Variants in RPH3A observed in about 807,000 individuals in gnomAD.
RPH3A encodes rabphilin 3A.
Under a neutral mutation model 102.2 loss-of-function variants are expected in RPH3A, and 48 were observed. The observed-to-expected ratio is 0.47, with a 90% CI of 0.37 to 0.60. The LOEUF (loss-of-function observed/expected upper bound fraction) is 0.60, where lower values mean the gene tolerates loss of function less well. RPH3A is among the 20% of genes least tolerant of loss of function. RPH3A has a pLI of 0.00. For missense variants in RPH3A, 781 were observed against 910.1 expected (o/e 0.86, Z 1.83); for synonymous variants, 310 against 324.3 (o/e 0.96, Z 0.47).
intron 1 of RPH3A, among the ~76,000 whole-genome samples, chr12:112,621,844 C>A (rs1455256717): frequency 6.6e-6 from 1 of 151,588 alleles, no homozygotes; most frequent in African/African-American, 2.4e-5. Flanking sequence ...GTTCTCCCAG[C>A]ATGCAGCTGG....
At chr12:112,843,473 G>A (rs1850765300) in intron 4 of RPH3A, among the ~76,000 whole-genome samples, 1 of 152,184 alleles carries the variant, frequency 6.6e-6, no homozygotes, top group Admixed American at 6.5e-5. Context: ...GCAGATGGAG[G>A]CAATTATCCT....
intron 3 of RPH3A, among the ~76,000 whole-genome samples, chr12:112,831,341 T>C (rs1278210759): frequency 1.3e-5 from 2 of 152,108 alleles, no homozygotes; most frequent in Non-Finnish European, 2.9e-5. Context: ...ATTCCTATGA[T>C]ATCCATGGCT....
At chr12:112,705,645 C>T (rs4766993) in intron 1 of RPH3A, among the ~76,000 whole-genome samples, 56,090 of 151,780 alleles carry the variant, frequency 0.37, 10,755 homozygotes, top group South Asian at 0.57. Context: ...TTTTTTTAAT[C>T]GAAATTTTTA....
chr12:112,876,574 T>C (rs534473586), intron 12 of RPH3A, 68 bp from the exon 13 acceptor site: 5 of 1,127,012 alleles, frequency 4.4e-6, no homozygotes, highest in Admixed American at 2.9e-5. Context: ...CTTTTGAAAA[T>C]GTCCCTAGGT....
chr12:112,826,675 A>T (rs906404040), intron 2 of RPH3A, among the ~76,000 whole-genome samples: 3 of 152,208 alleles, frequency 2.0e-5, no homozygotes, highest in Non-Finnish European at 4.4e-5. Context: ...TTGTGTCAAT[A>T]TAATCAAACA....
chr12:112,834,986 G>C (rs987310210), intron 3 of RPH3A, among the ~76,000 whole-genome samples: 2 of 152,230 alleles, frequency 1.3e-5, no homozygotes, highest in Middle Eastern at 6.8e-3. Context: ...GGATCTTGGA[G>C]AATTTCCTTA....
intron 1 of RPH3A, among the ~76,000 whole-genome samples, chr12:112,596,066 G>A (rs781521119): frequency 3.3e-5 from 5 of 152,140 alleles, no homozygotes; most frequent in Admixed American, 6.5e-5. Context: ...GTGGACGAAG[G>A]GTGGGTTCTC....
At chr12:112,722,241 A>G (rs2136042962) in intron 1 of RPH3A, among the ~76,000 whole-genome samples, 1 of 152,338 alleles carries the variant, frequency 6.6e-6, no homozygotes, top group East Asian at 1.9e-4. Flanking sequence ...GGTTATTGGA[A>G]TTGTTTCCTT....
At chr12:112,875,309 C>T (rs2042776176) in intron 11 of RPH3A, 139 bp downstream of exon 11, 1 of 685,388 alleles carries the variant, frequency 1.5e-6, no homozygotes, top group Non-Finnish European at 2.4e-6. Context: ...CTTCTAAGAC[C>T]CTTACAACCA....
At chr12:112,704,620 A>G (rs910779672) in intron 1 of RPH3A, among the ~76,000 whole-genome samples, 1 of 152,178 alleles carries the variant, frequency 6.6e-6, no homozygotes, top group African/African-American at 2.4e-5. Flanking sequence ...TTCTTCCCAG[A>G]GATCCTACCC....
intron 1 of RPH3A, among the ~76,000 whole-genome samples, chr12:112,691,337 AG>A (rs1294339961): frequency 2.0e-5 from 3 of 152,210 alleles, no homozygotes; most frequent in Non-Finnish European, 2.9e-5. Flanking sequence ...TGTAAAAAAA[AG>A]CCCAGAAATC....
At chr12:112,876,925 G>A (rs928036860) in intron 13 of RPH3A, 59 bp downstream of exon 13, 2 of 1,359,200 alleles carry the variant, frequency 1.5e-6, no homozygotes, top group Non-Finnish European at 1.0e-6. Context: ...CCAAGCCCAG[G>A]AAAACAGGAA....
chr12:112,742,094 TC>T (rs1202351067), intron 1 of RPH3A, among the ~76,000 whole-genome samples: 1 of 152,152 alleles, frequency 6.6e-6, no homozygotes, highest in Non-Finnish European at 1.5e-5. Context: ...TAACTTTAAT[TC>T]TTTAAGAGCT....
chr12:112,874,920 A>G, intron 10 of RPH3A, 164 bp from the exon 11 acceptor site: 1 of 587,474 alleles, frequency 1.7e-6, no homozygotes, highest in Non-Finnish European at 3.0e-6. Context: ...AGAAGAAAGA[A>G]CACACTGAAG....
rs561717866 is a variant in RPH3A at position 112,796,105 on chromosome 12, G to A, written c.-19+3842G>A. ...CTCAGTTTCTTCATCTGTGAAATGG[G>A]CAAAATGACTCCCTCTCTGTTTGGC... is the stretch of plus-strand genomic sequence containing the variant. On this transcript the variant is annotated intron_variant, in intron 2 of 21. Coordinates refer to ENST00000389385, the MANE Select transcript of RPH3A (RefSeq NM_001143854.2). Among the ~76,000 whole-genome samples the A allele has an allele frequency of 4.6e-5, 7 of 152,268 alleles. No homozygotes were observed. In the South Asian group the frequency reaches 1.5e-3, roughly 32 times the overall value.
chr12:112,712,963 C>CTTCTTTCTTCTTT (rs1565856983), intron 1 of RPH3A, among the ~76,000 whole-genome samples: 1 of 77,948 alleles, frequency 1.3e-5, no homozygotes, highest in East Asian at 4.9e-4. Flanking sequence ...TCTTCTTCTT[C>CTTCTTTCTTCTTT]TTTCTTCTTC....
At chr12:112,895,959 G>A (rs1045104129) in intron 21 of RPH3A, 86 bp downstream of exon 21, 2 of 891,568 alleles carry the variant, frequency 2.2e-6, no homozygotes, top group African/African-American at 1.6e-5. Flanking sequence ...GAGAGTTGAG[G>A]TCATTGCTAT....
chr12:112,730,309 T>C (rs750234285), intron 1 of RPH3A, among the ~76,000 whole-genome samples: 8 of 152,224 alleles, frequency 5.3e-5, no homozygotes, highest in Non-Finnish European at 1.0e-4. Flanking sequence ...ACCATTAGAC[T>C]TGCTGTCCAG....
At chr12:112,688,007 C>T (rs1362533002) in intron 1 of RPH3A, among the ~76,000 whole-genome samples, 3 of 152,226 alleles carry the variant, frequency 2.0e-5, no homozygotes, top group African/African-American at 7.2e-5. Flanking sequence ...AATAGTTTAA[C>T]ATTCCCTAAA....
Sources: gnomAD v4.1 joint callset for allele counts (sites outside exome capture counted in the v4.1 genomes callset) on GRCh38, gnomAD v4.1.1 for gene constraint, MANE v1.5 for transcripts, NCBI Gene and HGNC (gene_info 2026-07-23, HGNC 2026-07-21) for gene names.